The following HTR1E variants were observed in gnomAD, a reference collection of about 807,000 sequenced individuals.
HTR1E encodes the protein 5-HT-1E.
Under a neutral mutation model 3.4 loss-of-function variants are expected in HTR1E, and 3 were observed. The ratio of observed to expected loss-of-function variants is 0.89; its 90% confidence interval spans 0.41 to 2.31. The LOEUF is 2.31. HTR1E is among the 30% of genes most tolerant of loss of function. The probability of loss-of-function intolerance (pLI) is 0.05; values close to 1 mark genes in which losing one functional copy is unlikely to be tolerated. For missense variants in HTR1E, 392 were observed against 467.0 expected, an observed-to-expected ratio of 0.84 and a Z score of 1.48; for synonymous variants, 170 against 182.8, an observed-to-expected ratio of 0.93 and a Z score of 0.56.
chr6:86,967,167 C>G (rs901885302), intron 1 of HTR1E, among the ~76,000 whole-genome samples: 2 of 151,970 alleles, frequency 1.3e-5, no homozygotes, highest in Non-Finnish European at 2.9e-5. Context: ...ATGCCCTTCC[C>G]CCATGGCATA....
intron 1 of HTR1E, among the ~76,000 whole-genome samples, chr6:86,986,430 T>C (rs183738239): frequency 6.6e-6 from 1 of 152,310 alleles, no homozygotes; most frequent in East Asian, 1.9e-4. Flanking sequence ...TTCACGAAGA[T>C]GACAGTTTTC....
intron 1 of HTR1E, among the ~76,000 whole-genome samples, chr6:87,011,695 G>A (rs1768240050): frequency 6.6e-6 from 1 of 152,110 alleles, no homozygotes. Context: ...TCAAGCATGT[G>A]GCCTGGTTTA....
rs544500347 is a variant in HTR1E, at chr6:87,011,909, T to C, written c.-185-3241T>C. On this transcript the variant is annotated intron_variant, in intron 1 of 1. Transcript: ENST00000305344. ...AAAGGAATTTCTCCAATGGTCTACA[T>C]ACCTTTCCCGCGCAAAATGGAGGAA... is the stretch of plus-strand genomic sequence containing the variant. Among the ~76,000 whole-genome samples the C allele has an allele frequency of 3.3e-5, 5 of 152,278 alleles. No homozygotes were observed. In the South Asian group the frequency reaches 1.0e-3, roughly 32 times the overall value.
intron 1 of HTR1E, among the ~76,000 whole-genome samples, chr6:86,966,591 C>T (rs1009548364): frequency 6.6e-6 from 1 of 152,152 alleles, no homozygotes; most frequent in Non-Finnish European, 1.5e-5. Context: ...TAGGATCTGT[C>T]CTTCCCATCC....
chr6:87,010,838 C>T (rs564659081), intron 1 of HTR1E, among the ~76,000 whole-genome samples: 101 of 152,188 alleles, frequency 6.6e-4, no homozygotes, highest in African/African-American at 2.4e-3. Flanking sequence ...CCGTCCGCTC[C>T]TCCAGCCGCT....
intron 1 of HTR1E, among the ~76,000 whole-genome samples, chr6:86,943,652 T>C (rs1013978381): frequency 1.3e-5 from 2 of 152,234 alleles, no homozygotes; most frequent in Non-Finnish European, 2.9e-5. Context: ...GCCCAAGCTC[T>C]CGAGTCCAGA....
intron 1 of HTR1E, among the ~76,000 whole-genome samples, chr6:86,951,076 A>G (rs1033231972): frequency 2.6e-5 from 4 of 152,264 alleles, no homozygotes; most frequent in East Asian, 1.9e-4. Flanking sequence ...GATGATTTTG[A>G]TAATATTATT....
intron 1 of HTR1E, among the ~76,000 whole-genome samples, chr6:86,962,674 C>G (rs1420626130): frequency 6.6e-6 from 1 of 151,978 alleles, no homozygotes; most frequent in Non-Finnish European, 1.5e-5. Flanking sequence ...CCTGTCCCTA[C>G]TAAAAATACA....
At chr6:86,945,338 G>A (rs1437244316) in intron 1 of HTR1E, among the ~76,000 whole-genome samples, 1 of 152,056 alleles carries the variant, frequency 6.6e-6, no homozygotes, top group Non-Finnish European at 1.5e-5. Flanking sequence ...CGCCTCCCAG[G>A]TTCAAGCAAT....
chr6:86,992,699 C>T (rs151204608), intron 1 of HTR1E, among the ~76,000 whole-genome samples: 3 of 152,274 alleles, frequency 2.0e-5, no homozygotes, highest in Non-Finnish European at 2.9e-5. Flanking sequence ...AGGAAATGTG[C>T]AAGCACTTTG....
intron 1 of HTR1E, among the ~76,000 whole-genome samples, chr6:86,969,069 T>C (rs1160192242): frequency 6.6e-6 from 1 of 152,210 alleles, no homozygotes; most frequent in South Asian, 2.1e-4. Flanking sequence ...ACTTCTGTCA[T>C]ATACTAAATT....
Position 87,010,188 on chromosome 6 carries a change from C to T in HTR1E, c.-185-4962C>T, listed in dbSNP as rs867782225. ...CGGGGCGGCTGGCCGGGCGGGGGGC[C>T]GACCCCCCCACCTCCCTCCCGGATG... is the stretch of plus-strand genomic sequence containing the variant. On this transcript the variant is annotated intron_variant, in intron 1 of 1. Coordinates refer to ENST00000305344, the MANE Select transcript of HTR1E (RefSeq NM_000865.3). 3.1e-3 allele frequency among the ~76,000 whole-genome samples: 194 copies of T among 63,160 alleles called. 3 individuals are homozygous for T. Among genetic ancestry groups the T allele is most frequent in the Middle Eastern group, 0.019 (1 of 54 alleles). 41.4% of individuals were successfully genotyped at this position (63,160 alleles called of 152,430 possible).
chr6:86,986,194 G>A (rs2127826593), intron 1 of HTR1E, among the ~76,000 whole-genome samples: 1 of 152,194 alleles, frequency 6.6e-6, no homozygotes, highest in African/African-American at 2.4e-5. Flanking sequence ...ACAAATTCTG[G>A]TAATGTTTAC....
intron 1 of HTR1E, among the ~76,000 whole-genome samples, chr6:86,950,209 C>G (rs1767216432): frequency 2.0e-5 from 3 of 151,774 alleles, no homozygotes; most frequent in African/African-American, 7.3e-5. Flanking sequence ...TGAAAAAGTA[C>G]ATGTTATCTT....
intron 1 of HTR1E, among the ~76,000 whole-genome samples, chr6:86,977,671 C>T (rs1184974804): frequency 1.3e-5 from 2 of 152,136 alleles, no homozygotes; most frequent in African/African-American, 2.4e-5. Context: ...CCCTTTTCTC[C>T]ACAGCCTCAC....
chr6:86,979,776 T>C (rs999619572), intron 1 of HTR1E, among the ~76,000 whole-genome samples: 6 of 152,066 alleles, frequency 3.9e-5, no homozygotes, highest in Admixed American at 2.6e-4. Context: ...AAGATGGGAT[T>C]AAGGGAAGCC....
At chr6:86,973,748 T>C (rs1003484512) in intron 1 of HTR1E, among the ~76,000 whole-genome samples, 5 of 152,182 alleles carry the variant, frequency 3.3e-5, no homozygotes, top group Admixed American at 1.3e-4. Flanking sequence ...TGCAATAATG[T>C]TACCTGGAAG....
chr6:87,016,218 T>C lies in HTR1E; in HGVS notation c.884T>C (p.Leu295Pro). Residue 295 changes from leucine to proline, a missense_variant, in exon 2 of 2, where the codon CTG (leucine) becomes CCG (proline). Physicochemically the swap from Leu to Pro is moderately conservative, Grantham distance 98. Coordinates refer to ENST00000305344, the MANE Select transcript of HTR1E (RefSeq NM_000865.3). ...CGGAAGGCAGCACGCATCCTGGGGC[T>C]GATTCTGGGTGCATTCATTTTATCC... Reference protein sequence around the residue: ...RERKAARILGLILGAFILSWL... With the variant: ...RERKAARILGPILGAFILSWL... 6.2e-7 allele frequency: 1 copy of C among 1,614,132 alleles called. No homozygotes were observed. The highest frequency in any genetic ancestry group is 8.5e-7 in the Non-Finnish European group (1 of 1,179,986).
chr6:87,016,018 T>C lies in HTR1E; in HGVS notation c.684T>C (p.Asp228=). ...GGCACTTAAGCAACAGAAGCACAGA[T>C]AGCCAGAATTCTTTTGCAAGTTGTA... is the stretch of plus-strand genomic sequence containing the variant. The part of the protein sequence containing the change: ...SSRHLSNRST[D]SQNSFASCKL... Residue 228 remains aspartate, a synonymous_variant, in exon 2 of 2, where the codon GAT becomes GAC. Coordinates refer to ENST00000305344, the MANE Select transcript of HTR1E (RefSeq NM_000865.3). The C allele has an allele frequency of 6.2e-7, 1 of 1,614,220 alleles. No homozygotes were observed. Among genetic ancestry groups the C allele is most frequent in the Non-Finnish European group, 8.5e-7 (1 of 1,180,032 alleles).
Sources: allele counts gnomAD v4.1 joint callset (sites outside exome capture counted in the v4.1 genomes callset), GRCh38; gene constraint gnomAD v4.1.1; transcripts MANE v1.5; gene names NCBI Gene and HGNC (gene_info 2026-07-23, HGNC 2026-07-21).